WRN: variants seen among roughly 807,000 people sequenced by gnomAD.
WRN encodes the protein bifunctional 3'-5' exonuclease/ATP-dependent helicase WRN.
WRN carries 149 observed loss-of-function variants against 180.7 expected under a neutral mutation model. The ratio of observed to expected loss-of-function variants is 0.82; its 90% confidence interval spans 0.72 to 0.94. WRN has a LOEUF of 0.94. WRN is among the 40% of genes least tolerant of loss of function. WRN has a pLI of 0.00. For synonymous variants in WRN, 548 were observed against 568.9 expected (o/e 0.96, Z 0.52); for missense variants, 1,661 against 1,700.1 (o/e 0.98, Z 0.40).
intron 3 of WRN, among the ~76,000 whole-genome samples, chr8:31,063,809 G>T (rs1009776129): frequency 6.6e-6 from 1 of 152,056 alleles, no homozygotes; most frequent in Non-Finnish European, 1.5e-5. Context: ...CGCTAACCTC[G>T]AACTCCTGGA....
At chr8:31,090,967 A>T in intron 15 of WRN, 25 bp downstream of exon 15, 1 of 1,539,836 alleles carries the variant, frequency 6.5e-7, no homozygotes, top group Non-Finnish European at 9.0e-7. Context: ...CATTGCCACA[A>T]TATCACCCTC....
chr8:31,062,705 G>A lies in WRN; in HGVS notation c.210-1584G>A, dbSNP rs369214805. The stretch of plus-strand genomic sequence containing the variant: ...TGGGATTACAGGCGTGAACCACTGC[G>A]CCTGGCCTGTTTTCTTCAGTTCTTT... On this transcript the variant is annotated intron_variant, in intron 3 of 34. Transcript: ENST00000298139. 5.3e-5 allele frequency among the ~76,000 whole-genome samples: 8 copies of A among 152,112 alleles called. No individual in the cohort carries two copies. The East Asian group carries it at 5.8e-4, about 11-fold the overall frequency.
rs553795602 is a variant in WRN at position 31,036,069 on chromosome 8, T to C, written c.-77+2096T>C. Among the ~76,000 whole-genome samples the C allele has an allele frequency of 7.2e-5, 11 of 152,330 alleles. No individual in the cohort carries two copies. In the East Asian group the frequency reaches 2.1e-3, roughly 29 times the overall value. The stretch of plus-strand genomic sequence containing the variant: ...ATCACCATTCTACTTACTACCTCAA[T>C]GACATCAAATTTTTTAGCTCCCACA... On this transcript the variant is annotated intron_variant, in intron 1 of 34. Transcript: ENST00000298139.
chr8:31,138,042 C>T (rs1057405764), intron 24 of WRN, among the ~76,000 whole-genome samples: 11 of 151,900 alleles, frequency 7.2e-5, no homozygotes, highest in African/African-American at 2.4e-4. Context: ...ATTGAGGCTA[C>T]AGTGAGCTAT....
chr8:31,121,213 C>T (rs2130327211), intron 21 of WRN, among the ~76,000 whole-genome samples: 1 of 151,976 alleles, frequency 6.6e-6, no homozygotes, highest in East Asian at 1.9e-4. Context: ...ATGGGGCTGC[C>T]AAGCTGATGA....
At chr8:31,113,543 A>G (rs2130292779) in intron 19 of WRN, among the ~76,000 whole-genome samples, 1 of 152,276 alleles carries the variant, frequency 6.6e-6, no homozygotes, top group Non-Finnish European at 1.5e-5. Context: ...CCTAGGTTAG[A>G]GTCTCCACAG....
At chr8:31,168,662 T>C (rs1048043024) in intron 34 of WRN, among the ~76,000 whole-genome samples, 17 of 152,142 alleles carry the variant, frequency 1.1e-4, no homozygotes, top group Non-Finnish European at 1.8e-4. Flanking sequence ...CCAAAGCATA[T>C]GTCTTCATTA....
chr8:31,034,590 A>T (rs769856647), intron 1 of WRN, among the ~76,000 whole-genome samples: 1 of 152,090 alleles, frequency 6.6e-6, no homozygotes, highest in Non-Finnish European at 1.5e-5. Context: ...GACAGTTCAG[A>T]TCTTGATGTC....
intron 20 of WRN, among the ~76,000 whole-genome samples, chr8:31,118,265 C>G (rs1407139208): frequency 6.6e-6 from 1 of 152,020 alleles, no homozygotes; most frequent in East Asian, 1.9e-4. Flanking sequence ...GCGGTATTCT[C>G]CCTTGCTGTG....
At position 31,141,793 on chromosome 8, in the gene WRN, T is replaced by C. The variant is rs777554100; in HGVS notation, c.3233+18T>C. The C allele has an allele frequency of 1.2e-6, 2 of 1,609,336 alleles. No homozygotes were observed. The highest frequency in any genetic ancestry group is 2.2e-5 in the South Asian group (2 of 90,962). The stretch of plus-strand genomic sequence containing the variant: ...CTGCCTAGGTTCATTTTTCAGTTTT[T>C]TTCTTGTAACTTCTGCATTTTTTGT... On this transcript the variant is annotated intron_variant, in intron 26 of 34. Transcript: ENST00000298139.
rs114850804 is a variant in WRN, at chr8:31,062,868, G to C, written c.210-1421G>C. On this transcript the variant is annotated intron_variant, in intron 3 of 34. Coordinates refer to ENST00000298139, the MANE Select transcript of WRN (RefSeq NM_000553.6). ...TTTAATAAAAACAGGGTCTTGCTCTGTTATCCAGGCTGGAGTGCGGTGGCG... is the reference window on the plus strand; with the variant it reads ...TTTAATAAAAACAGGGTCTTGCTCTCTTATCCAGGCTGGAGTGCGGTGGCG... Among the ~76,000 whole-genome samples the C allele has an allele frequency of 7.6e-3, 1,155 of 152,016 alleles. 17 individuals carry two copies. The highest frequency in any genetic ancestry group is 0.027 in the African/African-American group (1,116 of 41,458).
intron 28 of WRN, among the ~76,000 whole-genome samples, chr8:31,145,145 G>A (rs1046490362): frequency 2.6e-5 from 4 of 152,222 alleles, no homozygotes; most frequent in South Asian, 2.1e-4. Flanking sequence ...TAAGATCATC[G>A]ATGAAGGTGC....
At chr8:31,114,015 A>G (rs1374938616) in intron 19 of WRN, among the ~76,000 whole-genome samples, 2 of 152,070 alleles carry the variant, frequency 1.3e-5, no homozygotes, top group African/African-American at 4.8e-5. Context: ...AAGGAGATCA[A>G]GAAAGATTTT....
Position 31,100,959 on chromosome 8 carries a change from A to T in WRN, c.2088+4A>T, listed in dbSNP as rs764132856. Reference sequence around the variant, plus strand: ...CCTAAAGACAGCACTGCCAATGGTAAGCTTTGCCAAGTCTGATGTCCCGAA... The same window carrying T: ...CCTAAAGACAGCACTGCCAATGGTATGCTTTGCCAAGTCTGATGTCCCGAA... On this transcript the variant is annotated splice_donor_region_variant and intron_variant, in intron 18 of 34. Coordinates refer to ENST00000298139, the MANE Select transcript of WRN (RefSeq NM_000553.6). 6.2e-7 allele frequency: 1 copy of T among 1,611,680 alleles called. No individual in the cohort carries two copies. Among genetic ancestry groups the T allele is most frequent in the Non-Finnish European group, 8.5e-7 (1 of 1,177,926 alleles).
Position 31,147,437 on chromosome 8 carries a change from T to G in WRN, c.3533T>G (p.Leu1178Arg). The G allele has an allele frequency of 6.2e-7, 1 of 1,614,116 alleles. No individual in the cohort carries two copies. The highest frequency in any genetic ancestry group is 8.5e-7 in the Non-Finnish European group (1 of 1,179,976). ...AAAATGGATGTTCCCCCAGCTATTC[T>G]GGCAACAAACAAGATACTGGTGGAT... Reference protein sequence around the residue: ...ANKMDVPPAILATNKILVDMA... With the variant: ...ANKMDVPPAIRATNKILVDMA... Residue 1178 changes from leucine to arginine, a missense_variant, in exon 30 of 35, where the codon CTG becomes CGG. Physicochemically the swap from Leu to Arg is moderately radical, Grantham distance 102. Around this residue, in one of 3 missense-constraint regions of WRN, gnomAD observed 1,141 missense variants for 1,149.4 expected, o/e 0.99. Transcript: ENST00000298139.
chr8:31,167,181 T>A lies in WRN; in HGVS notation c.4142T>A (p.Ile1381Asn). ...KRRCFPGSEE[I>N]CSSSKRSKEE... ...AGATGTTTTCCCGGTTCTGAAGAGA[T>A]CTGTTCAAGTTCTAAGAGAAGCAAG... The change falls in exon 34 of 35, where the codon ATC (isoleucine) becomes AAC (asparagine). Residue 1381 changes from isoleucine (I) to asparagine (N), a missense_variant. Ile to Asn is a moderately radical substitution (Grantham distance 149). This residue lies in a region of WRN where 1,141 missense variants were observed against 1,149.4 expected (regional missense o/e 0.99). Transcript: ENST00000298139. 2 of 1,613,324 alleles carry A rather than the reference T, an allele frequency of 1.2e-6. No homozygotes were observed. The highest frequency in any genetic ancestry group is 1.7e-6 in the Non-Finnish European group (2 of 1,179,456).
chr8:31,125,806 CAAT>C (rs1705508044), intron 23 of WRN, among the ~76,000 whole-genome samples: 2 of 150,672 alleles, frequency 1.3e-5, no homozygotes, highest in African/African-American at 2.4e-5. Flanking sequence ...ACATTATTGA[CAAT>C]AATCTCCTTT....
chr8:31,060,564 G>T (rs1812450928), intron 3 of WRN, among the ~76,000 whole-genome samples: 1 of 152,114 alleles, frequency 6.6e-6, no homozygotes, highest in Non-Finnish European at 1.5e-5. Flanking sequence ...CAAACAAAAG[G>T]CAGAGGTAGG....
At chr8:31,130,016 A>AAAC (rs1563369191) in intron 23 of WRN, among the ~76,000 whole-genome samples, 4 of 62,362 alleles carry the variant, frequency 6.4e-5, no homozygotes, top group Admixed American at 2.3e-4. Flanking sequence ...AAAAAAAAAC[A>AAAC]AAACAAAACA....
Sources: gnomAD v4.1 joint callset for allele counts (sites outside exome capture counted in the v4.1 genomes callset) on GRCh38, gnomAD v4.1.1 for gene constraint, gnomAD v4.1.1 regional missense constraint, MANE v1.5 for transcripts, NCBI Gene and HGNC (gene_info 2026-07-23, HGNC 2026-07-21) for gene names.